CA6: variants seen among roughly 807,000 people sequenced by gnomAD.
CA6 encodes the protein carbonic anhydrase 6, also known as carbonate dehydratase VI.
A neutral mutation model predicts 35.9 loss-of-function variants in CA6; 28 were observed. The observed-to-expected ratio is 0.78, with a 90% CI of 0.58 to 1.07. The LOEUF (loss-of-function observed/expected upper bound fraction) is 1.07, where lower values mean the gene tolerates loss of function less well. CA6 is among the 50% of genes least tolerant of loss of function. The pLI, the probability that CA6 is intolerant of heterozygous loss-of-function variation, is 0.00. For synonymous variants in CA6, 148 were observed against 152.6 expected, an observed-to-expected ratio of 0.97 and a Z score of 0.22; for missense variants, 377 against 382.0, an observed-to-expected ratio of 0.99 and a Z score of 0.11.
chr1:8,951,748 G>T, intron 2 of CA6: 1 of 734,276 alleles, frequency 1.4e-6, no homozygotes, highest in Non-Finnish European at 2.5e-6. Context: ...TTCCTTTGGG[G>T]TTCTCACCTC....
intron 3 of CA6, among the ~76,000 whole-genome samples, chr1:8,957,765 G>A (rs1005050331): frequency 2.8e-5 from 4 of 141,504 alleles, no homozygotes; most frequent in Admixed American, 7.4e-5. Flanking sequence ...CCTGGGCAAT[G>A]TAGCGAGATC....
Position 8,949,460 on chromosome 1 carries a change from T to C in CA6, c.259+18T>C. 6.2e-7 allele frequency: 1 copy of C among 1,604,780 alleles called. No homozygotes were observed. The highest frequency in any genetic ancestry group is 8.5e-7 in the Non-Finnish European group (1 of 1,174,474). On this transcript the variant is annotated intron_variant, in intron 2 of 7. Transcript: ENST00000377443. Reference sequence around the variant, plus strand: ...CCACACAGGTAAGAGGAAGGGGTGGTGAGGGGCTCCAGTCCATGGGCAGCC... The same window carrying C: ...CCACACAGGTAAGAGGAAGGGGTGGCGAGGGGCTCCAGTCCATGGGCAGCC...
chr1:8,965,848 C>CT (rs1639953023), intron 5 of CA6, among the ~76,000 whole-genome samples: 1 of 150,254 alleles, frequency 6.7e-6, no homozygotes, highest in Non-Finnish European at 1.5e-5. Context: ...GATTGTGCCA[C>CT]TGCACTCCAG....
chr1:8,967,652 T>C lies in CA6; in HGVS notation c.572-7T>C. On this transcript the variant is annotated splice_region_variant and splice_polypyrimidine_tract_variant and intron_variant, in intron 5 of 7. Coordinates refer to ENST00000377443, the MANE Select transcript of CA6 (RefSeq NM_001215.4). The stretch of plus-strand genomic sequence containing the variant: ...GACATTCTGTTACCTTCTGTCTTCT[T>C]GGTCAGGACAAAGAACAACCCTGAC... 1 of 1,613,232 alleles carries C rather than the reference T, an allele frequency of 6.2e-7. No individual in the cohort carries two copies. Among genetic ancestry groups the C allele is most frequent in the Non-Finnish European group, 8.5e-7 (1 of 1,179,494 alleles).
intron 2 of CA6, among the ~76,000 whole-genome samples, chr1:8,956,930 G>A (rs998192313): frequency 6.6e-6 from 1 of 152,206 alleles, no homozygotes; most frequent in Non-Finnish European, 1.5e-5. Context: ...CTTAGTGCCT[G>A]GCCTCCATCC....
At chr1:8,956,633 A>G (rs1456547417) in intron 2 of CA6, among the ~76,000 whole-genome samples, 1 of 152,182 alleles carries the variant, frequency 6.6e-6, no homozygotes, top group Non-Finnish European at 1.5e-5. Flanking sequence ...TCGTGGTGCC[A>G]CTGCACTCCA....
chr1:8,962,729 G>A, intron 5 of CA6, 73 bp downstream of exon 5: 2 of 1,339,076 alleles, frequency 1.5e-6, no homozygotes, highest in South Asian at 2.3e-5. Context: ...TGGGCCCAGG[G>A]GGCAGGGGAT....
intron 7 of CA6, among the ~76,000 whole-genome samples, chr1:8,973,748 CTT>C (rs1279324909): frequency 4.9e-5 from 1 of 20,252 alleles, no homozygotes; most frequent in Non-Finnish European, 7.6e-5. Flanking sequence ...TTCTTTCTTT[CTT>C]TCTTTCTTTC....
At chr1:8,955,388 T>G (rs2124254296) in intron 2 of CA6, among the ~76,000 whole-genome samples, 1 of 152,198 alleles carries the variant, frequency 6.6e-6, no homozygotes, top group Admixed American at 6.6e-5. Context: ...TTAAAATCTT[T>G]TTTAAAAAGC....
At chr1:8,972,214 AT>A (rs1557634361) in intron 7 of CA6, among the ~76,000 whole-genome samples, 2 of 151,180 alleles carry the variant, frequency 1.3e-5, no homozygotes, top group African/African-American at 2.4e-5. Flanking sequence ...CACCCAGCTA[AT>A]TTTTTTTGTA....
chr1:8,972,974 G>A (rs1640148079), intron 7 of CA6, among the ~76,000 whole-genome samples: 2 of 152,032 alleles, frequency 1.3e-5, no homozygotes, highest in African/African-American at 4.8e-5. Context: ...TCTTTAACAG[G>A]TCCAATTGCA....
At chr1:8,968,881 G>A (rs1446961855) in intron 6 of CA6, among the ~76,000 whole-genome samples, 1 of 151,858 alleles carries the variant, frequency 6.6e-6, no homozygotes, top group Admixed American at 6.6e-5. Context: ...GCCAGTCGTG[G>A]TGGTGGGGCG....
Position 8,972,300 on chromosome 1 carries a change from C to G in CA6, c.844+1319C>G, listed in dbSNP as rs575458483. ...TCCTGGCCACAAGCAATCCTCCCCC[C>G]TCAGCCTCCCAAAGTGCTGGGATTA... On this transcript the variant is annotated intron_variant, in intron 7 of 7. Transcript: ENST00000377443. 4.3e-4 allele frequency among the ~76,000 whole-genome samples: 65 copies of G among 152,314 alleles called. 1 individual carries two copies. Among genetic ancestry groups the G allele is most frequent in the Middle Eastern group, 3.4e-3 (1 of 294 alleles).
intron 2 of CA6, chr1:8,951,316 A>G: frequency 1.6e-6 from 1 of 611,848 alleles, no homozygotes; most frequent in Non-Finnish European, 2.9e-6. Flanking sequence ...AAAAGGACTC[A>G]GGTTTATGTG....
chr1:8,950,115 G>T (rs1457837053), intron 2 of CA6, among the ~76,000 whole-genome samples: 2 of 151,922 alleles, frequency 1.3e-5, no homozygotes, highest in Non-Finnish European at 2.9e-5. Flanking sequence ...GAGTAGCTGG[G>T]ATTACAGGCA....
rs986981833 is a variant in CA6 at position 8,963,196 on chromosome 1, G to A, written c.571+540G>A. 2.2e-4 allele frequency among the ~76,000 whole-genome samples: 33 copies of A among 152,032 alleles called. No individual in the cohort carries two copies. The highest frequency in any genetic ancestry group is 3.4e-3 in the Middle Eastern group (1 of 294). On this transcript the variant is annotated intron_variant, in intron 5 of 7. Coordinates refer to ENST00000377443, the MANE Select transcript of CA6 (RefSeq NM_001215.4). This position sits in a 1 kb window ranked among gnomAD's most constrained non-coding sequence, Gnocchi z 4.1. ...TCCTCGACTTCACACGTCCCATTCC[G>A]GCCACACCTCCCAGCCTCCCAGTCC...
intron 2 of CA6, chr1:8,951,741 C>T (rs1429483729): frequency 8.1e-6 from 6 of 741,030 alleles, no homozygotes; most frequent in Admixed American, 7.1e-5. Flanking sequence ...AAGCCTGTTC[C>T]TTTGGGGTTC....
chr1:8,950,839 C>G (rs1639511227), intron 2 of CA6, among the ~76,000 whole-genome samples: 1 of 151,390 alleles, frequency 6.6e-6, no homozygotes, highest in South Asian at 2.1e-4. Flanking sequence ...GTACTCCACC[C>G]TGGGCAACAG....
intron 5 of CA6, among the ~76,000 whole-genome samples, chr1:8,964,263 T>C (rs1209182654): frequency 6.6e-6 from 1 of 152,112 alleles, no homozygotes; most frequent in Non-Finnish European, 1.5e-5. Flanking sequence ...CTTTTTTCTT[T>C]TTGGAGATGG....
Sources: gnomAD v4.1 joint callset for allele counts (sites outside exome capture counted in the v4.1 genomes callset) on GRCh38, gnomAD v4.1.1 for gene constraint, Gnocchi (gnomAD v3.1) non-coding constraint, MANE v1.5 for transcripts, NCBI Gene and HGNC (gene_info 2026-07-23, HGNC 2026-07-21) for gene names.